MAP6: variants seen among roughly 807,000 people sequenced by gnomAD.
MAP6 encodes the protein microtubule associated protein 6.
MAP6 carries 26 observed loss-of-function variants against 42.4 expected under a neutral mutation model. The observed-to-expected ratio is 0.61, with a 90% CI of 0.45 to 0.85. The LOEUF (loss-of-function observed/expected upper bound fraction) is 0.85, where lower values mean the gene tolerates loss of function less well. Among genes scored for constraint, MAP6 ranks in the 40% least tolerant of loss-of-function variants. MAP6 has a pLI of 0.00. For missense variants in MAP6, 966 were observed against 1,099.0 expected, an observed-to-expected ratio of 0.88 and a Z score of 1.71; for synonymous variants, 418 against 443.8, an observed-to-expected ratio of 0.94 and a Z score of 0.73.
At chr11:75,601,104 C>T (rs1369176809) in intron 3 of MAP6, among the ~76,000 whole-genome samples, 4 of 152,324 alleles carry the variant, frequency 2.6e-5, no homozygotes, top group East Asian at 1.9e-4. Context: ...GCCCTGAGCA[C>T]GTGGGCAGCA....
In MAP6 at chr11:75,608,535, G is replaced by A. The variant is rs118049296; in HGVS notation, c.906-213C>T. On this transcript the variant is annotated intron_variant, in intron 1 of 3. Transcript: ENST00000304771. ...AGGTTGGGTTGTGGCAATAGCAGTT[G>A]TGCCTTGGAGAAAGAGATCAGGTTC... is the stretch of plus-strand genomic sequence containing the variant. 9.4e-3 allele frequency among the ~76,000 whole-genome samples: 1,439 copies of A among 152,314 alleles called. 9 individuals are homozygous for A. Among genetic ancestry groups the A allele is most frequent in the Non-Finnish European group, 0.016 (1,085 of 68,026 alleles).
intron 3 of MAP6, chr11:75,597,209 G>C (rs980650445): frequency 6.6e-6 from 1 of 152,210 alleles, no homozygotes; most frequent in African/African-American, 2.4e-5. Flanking sequence ...GTCGAATCAA[G>C]ATCTGGGGCC....
Position 75,668,063 on chromosome 11 carries a change from CGCTCCGGCCGGGGCCCGCCGCCG to C in MAP6, c.284_306del (p.Pro95ArgfsTer109). On this transcript the variant is annotated frameshift_variant, in exon 1 of 4. Transcript: ENST00000304771. LOFTEE classifies it high-confidence loss of function. ...CCGGAGCCCAGGCCCGGGCCCGGCC[CGCTCCGGCCGGGGCCCGCCGCCG>C]GCTCGCGCTCGCCGGTAGGCCCAGG... 1 of 1,228,130 alleles carries C rather than the reference CGCTCCGGCCGGGGCCCGCCGCCG, an allele frequency of 8.1e-7. No homozygotes were observed. The highest frequency in any genetic ancestry group is 3.9e-5 in the South Asian group (1 of 25,562). The allele number at this position is 1,228,130 out of a possible 1,614,324, so 76.1% of individuals were successfully genotyped here.
chr11:75,589,275 C>T (rs1175827513), intron 3 of MAP6, among the ~76,000 whole-genome samples: 1 of 152,220 alleles, frequency 6.6e-6, no homozygotes. Flanking sequence ...CCCACCCACA[C>T]TGTGGAGAGC....
chr11:75,643,882 A>G (rs753630422), intron 1 of MAP6, among the ~76,000 whole-genome samples: 11 of 152,216 alleles, frequency 7.2e-5, no homozygotes, highest in Non-Finnish European at 1.6e-4. Flanking sequence ...CAGGTAGTCC[A>G]GCTCTAGCCC....
chr11:75,602,583 G>A (rs183589409), intron 3 of MAP6, among the ~76,000 whole-genome samples: 84 of 152,304 alleles, frequency 5.5e-4, no homozygotes, highest in African/African-American at 1.7e-3. Context: ...GGTGGTGCTC[G>A]GTGCAGGCGG....
At chr11:75,604,437 C>A in intron 3 of MAP6, 2 of 985,442 alleles carry the variant, frequency 2.0e-6, no homozygotes, top group Non-Finnish European at 2.4e-6. Context: ...AGCAAGCCTG[C>A]GCCGGGGCTT....
intron 3 of MAP6, among the ~76,000 whole-genome samples, chr11:75,602,445 C>T (rs1050050215): frequency 1.3e-5 from 2 of 152,126 alleles, no homozygotes; most frequent in Non-Finnish European, 2.9e-5. Flanking sequence ...TCCACAGTGA[C>T]CATAGATTAA....
chr11:75,605,733 T>G, intron 3 of MAP6, 75 bp downstream of exon 3: 1 of 1,571,200 alleles, frequency 6.4e-7, no homozygotes, highest in Non-Finnish European at 8.6e-7. Context: ...CTTTTTTGGT[T>G]TGTTGGTTTA....
At chr11:75,626,482 C>T (rs1943197501) in intron 1 of MAP6, among the ~76,000 whole-genome samples, 1 of 152,084 alleles carries the variant, frequency 6.6e-6, no homozygotes, top group Non-Finnish European at 1.5e-5. Context: ...GTGACTCAGA[C>T]CACTTTGGGG....
At chr11:75,638,720 T>C (rs866306797) in intron 1 of MAP6, 10 of 152,220 alleles carry the variant, frequency 6.6e-5, no homozygotes, top group African/African-American at 2.4e-4. Context: ...TGTAAATTAG[T>C]ACAATCTCTA....
At chr11:75,651,672 T>C (rs1402532552) in intron 1 of MAP6, among the ~76,000 whole-genome samples, 2 of 152,206 alleles carry the variant, frequency 1.3e-5, no homozygotes, top group East Asian at 3.8e-4. Flanking sequence ...ATCCATTATA[T>C]ATAAAGACAA....
At chr11:75,633,345 A>T (rs905762622) in intron 1 of MAP6, among the ~76,000 whole-genome samples, 3 of 152,202 alleles carry the variant, frequency 2.0e-5, no homozygotes, top group Admixed American at 1.3e-4. Context: ...ACTCTGGGCA[A>T]ACTTAGGATT....
At chr11:75,622,696 C>T (rs2135617419) in intron 1 of MAP6, among the ~76,000 whole-genome samples, 1 of 152,236 alleles carries the variant, frequency 6.6e-6, no homozygotes, top group East Asian at 1.9e-4. Context: ...ATAGGAGAAA[C>T]AAAGTATGAG....
intron 1 of MAP6, among the ~76,000 whole-genome samples, chr11:75,641,542 G>A (rs1186245655): frequency 6.6e-6 from 1 of 151,918 alleles, no homozygotes; most frequent in Non-Finnish European, 1.5e-5. Context: ...AGCCTGAGTG[G>A]GGCCCAGGAT....
Position 75,587,424 on chromosome 11 carries a change from C to T in MAP6, c.2077G>A (p.Val693Ile). Residue 693 changes from valine (V) to isoleucine (I), a missense_variant, in exon 4 of 4, where the codon GTT (valine) becomes ATT (isoleucine). Coordinates refer to ENST00000304771, the MANE Select transcript of MAP6 (RefSeq NM_033063.2). ...QDVVVPEHAKVHDSAVVAPVK... is the reference protein window; with the variant it reads ...QDVVVPEHAKIHDSAVVAPVK... ...GGTGCCACAACTGCAGAATCGTGAA[C>T]CTTTGCATGCTCTGGGACTACAACA... 1 of 1,614,138 alleles carries T rather than the reference C, an allele frequency of 6.2e-7. No homozygotes were observed. Among genetic ancestry groups the T allele is most frequent in the Non-Finnish European group, 8.5e-7 (1 of 1,180,012 alleles).
rs1210317573 is a variant in MAP6 at position 75,653,575 on chromosome 11, C to G, written c.905+13890G>C. Among the ~76,000 whole-genome samples the G allele has an allele frequency of 2.6e-5, 4 of 152,230 alleles. No individual in the cohort carries two copies. The East Asian group carries it at 5.8e-4, about 22-fold the overall frequency. On this transcript the variant is annotated intron_variant, in intron 1 of 3. Transcript: ENST00000304771. ...CATTTTCAGAGCAAATTTAAACTTG[C>G]TAAAAATCATTCTTTTCTAATTGCT...
intron 1 of MAP6, among the ~76,000 whole-genome samples, chr11:75,663,560 T>C (rs537053135): frequency 6.6e-6 from 1 of 152,294 alleles, no homozygotes; most frequent in Admixed American, 6.5e-5. Flanking sequence ...CAGGTGTTCA[T>C]GACGTGGTGG....
chr11:75,645,309 A>G (rs1052457356), intron 1 of MAP6, among the ~76,000 whole-genome samples: 1 of 151,538 alleles, frequency 6.6e-6, no homozygotes, highest in African/African-American at 2.4e-5. Flanking sequence ...TGGCCCAGGG[A>G]AGTCTAAGGA....
Sources: gnomAD v4.1 joint callset for allele counts (sites outside exome capture counted in the v4.1 genomes callset) on GRCh38, gnomAD v4.1.1 for gene constraint, MANE v1.5 for transcripts, NCBI Gene and HGNC (gene_info 2026-07-23, HGNC 2026-07-21) for gene names.